Variants in KRT72 observed in about 807,000 individuals in gnomAD.
KRT72 encodes keratin 72, also known as keratin, type II cytoskeletal 72.
Under a neutral mutation model 44.7 loss-of-function variants are expected in KRT72, and 44 were observed. The ratio of observed to expected loss-of-function variants is 0.98; its 90% CI spans 0.77 to 1.27. The LOEUF (loss-of-function observed/expected upper bound fraction) is 1.27. Among genes scored for constraint, KRT72 ranks in the 50% most tolerant of loss-of-function variants. KRT72 has a pLI of 0.00. For missense variants in KRT72, 736 were observed against 667.1 expected, an observed-to-expected ratio of 1.10 and a Z score of -1.14; for synonymous variants, 302 against 280.4, an observed-to-expected ratio of 1.08 and a Z score of -0.77.
chr12:52,586,593 C>CTCAT (rs1355979107), intron 8 of KRT72, among the ~76,000 whole-genome samples: 8 of 152,238 alleles, frequency 5.3e-5, no homozygotes, highest in African/African-American at 1.9e-4. Flanking sequence ...ACTATTCCAT[C>CTCAT]TCATTCATTC....
chr12:52,592,741 AC>A, intron 3 of KRT72, 150 bp downstream of exon 3: 1 of 698,056 alleles, frequency 1.4e-6, no homozygotes, highest in Non-Finnish European at 2.5e-6. Flanking sequence ...CAGGCAAGGG[AC>A]TTGGAGGGAG....
chr12:52,589,260 C>G (rs1939902324), intron 6 of KRT72, among the ~76,000 whole-genome samples: 1 of 152,130 alleles, frequency 6.6e-6, no homozygotes, highest in African/African-American at 2.4e-5. Flanking sequence ...GAATATTGTC[C>G]AGCTGCCACC....
At chr12:52,592,267 G>A (rs1228413109) in intron 4 of KRT72, 129 bp downstream of exon 4, 8 of 689,148 alleles carry the variant, frequency 1.2e-5, no homozygotes, top group Non-Finnish European at 1.8e-5. Flanking sequence ...GGGCCTTGGT[G>A]AATGTCAGGG....
intron 6 of KRT72, among the ~76,000 whole-genome samples, chr12:52,589,178 G>T (rs1000930120): frequency 6.6e-6 from 1 of 152,102 alleles, no homozygotes; most frequent in Non-Finnish European, 1.5e-5. Flanking sequence ...TCTTTCTGGG[G>T]TATGCCCATC....
intron 2 of KRT72, among the ~76,000 whole-genome samples, chr12:52,597,732 G>T (rs4103863): frequency 0.35 from 52,642 of 152,076 alleles, 9,777 homozygotes; most frequent in East Asian, 0.59. Context: ...TGTAGCACTT[G>T]GATTCTTTTC....
intron 5 of KRT72, 128 bp from the exon 6 acceptor site, chr12:52,591,089 C>T: frequency 1.1e-6 from 1 of 927,554 alleles, no homozygotes; most frequent in South Asian, 2.9e-5. Context: ...ACATGAGAGC[C>T]TTGGCAGAGT....
At chr12:52,588,739 G>C (rs1350269698) in intron 6 of KRT72, among the ~76,000 whole-genome samples, 1 of 152,176 alleles carries the variant, frequency 6.6e-6, no homozygotes, top group African/African-American at 2.4e-5. Flanking sequence ...GCTCATGCCT[G>C]TAATCCCAGC....
At position 52,587,753 on chromosome 12, in the gene KRT72, C is replaced by T; in HGVS notation, c.1188G>A (p.Leu396=). The change falls in exon 7 of 9, where the codon CTG becomes CTA. Residue 396 remains leucine (L), a synonymous_variant. Transcript: ENST00000293745. The part of the protein sequence containing the change: ...RAKLDELEGA[L]HQAKEELARM... ...GTGCCAGCTCCTCCTTGGCCTGGTGCAGGGCGCCCTCCAGCTCATCCAGCT... is the reference window on the plus strand; with the variant it reads ...GTGCCAGCTCCTCCTTGGCCTGGTGTAGGGCGCCCTCCAGCTCATCCAGCT... 6.2e-7 allele frequency: 1 copy of T among 1,614,214 alleles called. No individual in the cohort carries two copies. The highest frequency in any genetic ancestry group is 8.5e-7 in the Non-Finnish European group (1 of 1,180,038).
upstream of KRT72, among the ~76,000 whole-genome samples, chr12:52,601,730 T>C (rs2120828900): frequency 6.6e-6 from 1 of 152,162 alleles, no homozygotes; most frequent in South Asian, 2.1e-4. Flanking sequence ...CCTCCTGCAT[T>C]ATCATGGCTT....
At position 52,601,030 on chromosome 12, in the gene KRT72, G is replaced by A; in HGVS notation, c.423C>T (p.Asp141=). 6.2e-7 allele frequency: 1 copy of A among 1,611,766 alleles called. No individual in the cohort carries two copies. The highest frequency in any genetic ancestry group is 8.5e-7 in the Non-Finnish European group (1 of 1,179,210). Residue 141 remains aspartate, a synonymous_variant, in exon 1 of 9, where the codon GAC becomes GAT. Coordinates refer to ENST00000293745, the MANE Select transcript of KRT72 (RefSeq NM_080747.3). The part of the protein sequence containing the change: ...ALNNKFASFI[D]KVRFLEQQNQ... Reference sequence around the variant, plus strand: ...AGGCCAATGCCCGAGGACTCACCTTGTCGATGAAGGAGGCGAACTTGTTGT... The same window carrying A: ...AGGCCAATGCCCGAGGACTCACCTTATCGATGAAGGAGGCGAACTTGTTGT...
chr12:52,587,362 C>G (rs7309602), intron 7 of KRT72, among the ~76,000 whole-genome samples: 5,347 of 152,220 alleles, frequency 0.035, 309 homozygotes, highest in Admixed American at 0.15. Context: ...TGCTCCTCCC[C>G]CCACCCACAA....
intron 2 of KRT72, among the ~76,000 whole-genome samples, chr12:52,597,732 G>C (rs4103863): frequency 6.6e-6 from 1 of 152,008 alleles, no homozygotes; most frequent in Admixed American, 6.5e-5. Context: ...TGTAGCACTT[G>C]GATTCTTTTC....
At position 52,586,941 on chromosome 12, in the gene KRT72, C is replaced by T; in HGVS notation, c.1345+5G>A. The T allele has an allele frequency of 1.9e-6, 3 of 1,613,142 alleles. No homozygotes were observed. The highest frequency in any genetic ancestry group is 1.1e-5 in the South Asian group (1 of 91,052). ...AGGGCAGAACTGAGATCTGCAGATACTTACAGATGCTCACAGAATTTGGAT... is the reference window on the plus strand; with the variant it reads ...AGGGCAGAACTGAGATCTGCAGATATTTACAGATGCTCACAGAATTTGGAT... On this transcript the variant is annotated splice_donor_5th_base_variant and intron_variant, in intron 8 of 8. Transcript: ENST00000293745.
At chr12:52,596,502 T>C (rs982148979) in intron 2 of KRT72, among the ~76,000 whole-genome samples, 1 of 152,114 alleles carries the variant, frequency 6.6e-6, no homozygotes, top group South Asian at 2.1e-4. Flanking sequence ...CCAAAATAAG[T>C]CTTTTGACAT....
chr12:52,585,927 G>C lies in KRT72; in HGVS notation c.*55C>G. 6.7e-7 allele frequency: 1 copy of C among 1,487,940 alleles called. No individual in the cohort carries two copies. The highest frequency in any genetic ancestry group is 9.2e-7 in the Non-Finnish European group (1 of 1,081,562). 92.2% of individuals were successfully genotyped at this position (1,487,940 alleles called of 1,614,324 possible). A position where few individuals can be genotyped will look rare whatever the true frequency, so the allele number is the denominator to read the frequency against. On this transcript the variant is annotated 3_prime_UTR_variant, in exon 9 of 9. Coordinates refer to ENST00000293745, the MANE Select transcript of KRT72 (RefSeq NM_080747.3). The stretch of plus-strand genomic sequence containing the variant: ...GGAAAGGGAGCCCAGGGAAGGAGAG[G>C]GAGGAGACGGGTGAGTTGGGAAGCC...
chr12:52,586,113 C>A lies in KRT72; in HGVS notation c.1405G>T (p.Ala469Ser), dbSNP rs34119325. 1 of 1,614,000 alleles carries A rather than the reference C, an allele frequency of 6.2e-7. No individual in the cohort carries two copies. Among genetic ancestry groups the A allele is most frequent in the Non-Finnish European group, 8.5e-7 (1 of 1,180,022 alleles). Residue 469 changes from alanine (A) to serine (S), a missense_variant, in exon 9 of 9, where the codon GCC (alanine) becomes TCC (serine). Coordinates refer to ENST00000293745, the MANE Select transcript of KRT72 (RefSeq NM_080747.3). ...GTTTTGTAGCTATAACTGCTTGAGG[C>A]GCCAAAGCCCATGCTGAAGCCAGCC... ...GGAGFSMGFG[A>S]SSSYSYKTAA...
At chr12:52,594,271 A>G (rs1423331525) in intron 2 of KRT72, among the ~76,000 whole-genome samples, 1 of 152,178 alleles carries the variant, frequency 6.6e-6, no homozygotes, top group African/African-American at 2.4e-5. Context: ...ATATACTCAA[A>G]GGATTATAAA....
Position 52,601,065 on chromosome 12 carries a change from T to C in KRT72, c.388A>G (p.Lys130Glu). 6.2e-7 allele frequency: 1 copy of C among 1,612,512 alleles called. No individual in the cohort carries two copies. Among genetic ancestry groups the C allele is most frequent in the Non-Finnish European group, 8.5e-7 (1 of 1,179,540 alleles). Reference sequence around the variant, plus strand: ...GAGGCGAACTTGTTGTTTAGCGCCTTGATCTGCTCCCGCTCCTGGGCGCGC... The same window carrying C: ...GAGGCGAACTTGTTGTTTAGCGCCTCGATCTGCTCCCGCTCCTGGGCGCGC... The part of the protein sequence containing the change: ...RVRAQEREQI[K>E]ALNNKFASFI... The change falls in exon 1 of 9, where the codon AAG (lysine) becomes GAG (glutamate). Residue 130 changes from lysine (K) to glutamate (E), a missense_variant. Coordinates refer to ENST00000293745, the MANE Select transcript of KRT72 (RefSeq NM_080747.3).
rs1307332646 is a variant in KRT72, at chr12:52,586,839, C to T, written c.1345+107G>A. 5 of 1,096,590 alleles carry T rather than the reference C, an allele frequency of 4.6e-6. No homozygotes were observed. The Admixed American group carries it at 8.5e-5, about 19-fold the overall frequency. 67.9% of individuals were successfully genotyped at this position (1,096,590 alleles called of 1,614,324 possible). A position where few individuals can be genotyped will look rare whatever the true frequency, so the allele number is the denominator to read the frequency against. On this transcript the variant is annotated intron_variant, in intron 8 of 8. Transcript: ENST00000293745. ...TCCTTCCTTTTTCCCTTAAGTCTCC[C>T]CTGAGCCCCCTCTGTCATTCTGATT...
Sources: gnomAD v4.1 joint callset for allele counts (sites outside exome capture counted in the v4.1 genomes callset) on GRCh38, gnomAD v4.1.1 for gene constraint, MANE v1.5 for transcripts, NCBI Gene and HGNC (gene_info 2026-07-23, HGNC 2026-07-21) for gene names.